DNAAF10: variants seen among roughly 807,000 people sequenced by gnomAD.
DNAAF10 encodes dynein axonemal assembly factor 10.
Under a neutral mutation model 43.7 loss-of-function variants are expected in DNAAF10, and 28 were observed. That is an observed-to-expected ratio of 0.64 (90% CI 0.48 to 0.88). The LOEUF is 0.88. Among genes scored for constraint, DNAAF10 ranks in the 40% least tolerant of loss-of-function variants. The pLI is 0.00. For missense variants in DNAAF10, 403 were observed against 439.1 expected, an observed-to-expected ratio of 0.92 and a Z score of 0.73; for synonymous variants, 156 against 157.3, an observed-to-expected ratio of 0.99 and a Z score of 0.06.
At chr2:68,131,467 T>C (rs757875018) in intron 7 of DNAAF10, 22 bp from the exon 8 acceptor site, 2 of 1,608,508 alleles carry the variant, frequency 1.2e-6, no homozygotes, top group Non-Finnish European at 1.7e-6. Flanking sequence ...ATCAAAATGG[T>C]AAGAGCGCAT....
At chr2:68,149,034 C>T (rs1336079201) in intron 1 of DNAAF10, among the ~76,000 whole-genome samples, 4 of 152,202 alleles carry the variant, frequency 2.6e-5, no homozygotes, top group Non-Finnish European at 5.9e-5. Flanking sequence ...CCCCTTGTAA[C>T]TCTTCAGTTC....
intron 5 of DNAAF10, 82 bp downstream of exon 5, chr2:68,138,660 A>G (rs1673102555): frequency 1.0e-6 from 1 of 991,174 alleles, no homozygotes; most frequent in Non-Finnish European, 1.6e-6. Context: ...ATGAGTTACT[A>G]GAGGTGTTTT....
In DNAAF10 at chr2:68,147,356, G is replaced by A. The variant is rs1673342852; in HGVS notation, c.284+111C>T. The A allele has an allele frequency of 2.7e-5, 20 of 746,868 alleles. No individual in the cohort carries two copies. In the East Asian group the frequency reaches 5.7e-4, roughly 21 times the overall value. 46.3% of individuals were successfully genotyped at this position (746,868 alleles called of 1,614,324 possible). On this transcript the variant is annotated intron_variant, in intron 2 of 7. Coordinates refer to ENST00000295121, the MANE Select transcript of DNAAF10 (RefSeq NM_138458.4). The stretch of plus-strand genomic sequence containing the variant: ...ATTCTCATATTTTTATAGTTAAAAT[G>A]GAACATAGAAAGATTTTAAAATTAA...
At chr2:68,135,108 A>T (rs1458060802) in intron 6 of DNAAF10, among the ~76,000 whole-genome samples, 1 of 152,190 alleles carries the variant, frequency 6.6e-6, no homozygotes, top group Non-Finnish European at 1.5e-5. Context: ...ACATATTTAA[A>T]TACCTCTAGT....
At chr2:68,147,272 T>C (rs956490490) in intron 2 of DNAAF10, among the ~76,000 whole-genome samples, 195 bp downstream of exon 2, 1 of 151,978 alleles carries the variant, frequency 6.6e-6, no homozygotes, top group Non-Finnish European at 1.5e-5. Context: ...TAAAGAAAAA[T>C]AGGTTAGTAT....
Position 68,157,525 on chromosome 2 carries a change from G to A in DNAAF10, c.-82C>T. 2 of 1,584,506 alleles carry A rather than the reference G, an allele frequency of 1.3e-6. No individual in the cohort carries two copies. The highest frequency in any genetic ancestry group is 1.7e-6 in the Non-Finnish European group (2 of 1,153,224). Reference sequence around the variant, plus strand: ...ACCTGGAAACCAGACTCCAAACATTGGCAATTTGTCCCTCCCGCTTTCCGT... The same window carrying A: ...ACCTGGAAACCAGACTCCAAACATTAGCAATTTGTCCCTCCCGCTTTCCGT... On this transcript the variant is annotated 5_prime_UTR_variant, in exon 1 of 8. Coordinates refer to ENST00000295121, the MANE Select transcript of DNAAF10 (RefSeq NM_138458.4).
In DNAAF10 at chr2:68,134,776, C is replaced by A. The variant is rs1672999747; in HGVS notation, c.792G>T (p.Gln264His). 6.2e-7 allele frequency: 1 copy of A among 1,613,084 alleles called. No homozygotes were observed. The highest frequency in any genetic ancestry group is 8.5e-7 in the Non-Finnish European group (1 of 1,179,792). Residue 264 changes from glutamine (Q) to histidine (H), a missense_variant, in exon 7 of 8, where the codon CAG becomes CAT. Transcript: ENST00000295121. ...SEKAHKSTVW[Q>H]VRHLPQNREL... The stretch of plus-strand genomic sequence containing the variant: ...CCCTGTTCTGCGGCAGGTGTCGGAC[C>A]TGCCACACAGTAGATTTATGAGCCT...
At chr2:68,154,198 G>C (rs980744373) in intron 1 of DNAAF10, among the ~76,000 whole-genome samples, 1 of 151,954 alleles carries the variant, frequency 6.6e-6, no homozygotes, top group African/African-American at 2.4e-5. Flanking sequence ...GACAACTCAT[G>C]GTAGAAAAAA....
chr2:68,147,238 A>G (rs1673339182), intron 2 of DNAAF10, among the ~76,000 whole-genome samples: 2 of 152,202 alleles, frequency 1.3e-5, no homozygotes, highest in Admixed American at 1.3e-4. Context: ...GAAAATAAGC[A>G]TTGATAATAT....
chr2:68,147,390 C>A (rs1673343699), intron 2 of DNAAF10, 77 bp downstream of exon 2: 1 of 1,102,230 alleles, frequency 9.1e-7, no homozygotes, highest in Admixed American at 2.1e-5. Context: ...AAAATTCTCT[C>A]TTTCAGAGAA....
intron 4 of DNAAF10, among the ~76,000 whole-genome samples, chr2:68,140,769 C>T (rs779468157): frequency 2.6e-4 from 40 of 152,174 alleles, no homozygotes; most frequent in Non-Finnish European, 4.4e-4. Flanking sequence ...TCTCTTCTAC[C>T]GTTGGCCCTC....
intron 1 of DNAAF10, among the ~76,000 whole-genome samples, chr2:68,156,706 G>C (rs1673626502): frequency 6.6e-6 from 1 of 152,180 alleles, no homozygotes; most frequent in Non-Finnish European, 1.5e-5. Flanking sequence ...AGAAGCCCTG[G>C]AAACCTTGTC....
chr2:68,133,984 G>A, intron 7 of DNAAF10: 1 of 286,352 alleles, frequency 3.5e-6, no homozygotes, highest in Non-Finnish European at 5.2e-6. Context: ...TCATTTATGG[G>A]CTTGCTGTTT....
chr2:68,156,352 A>G (rs921747860), intron 1 of DNAAF10, among the ~76,000 whole-genome samples: 3 of 133,502 alleles, frequency 2.2e-5, no homozygotes, highest in African/African-American at 9.5e-5. Flanking sequence ...TGATCCCCAG[A>G]GTTAACCTAC....
chr2:68,136,976 CA>C (rs1348375741), intron 6 of DNAAF10, among the ~76,000 whole-genome samples: 2 of 152,088 alleles, frequency 1.3e-5, no homozygotes, highest in Non-Finnish European at 2.9e-5. Flanking sequence ...GGTATTAGCA[CA>C]AATATTATAT....
intron 3 of DNAAF10, among the ~76,000 whole-genome samples, chr2:68,144,382 T>C (rs1349582667): frequency 1.3e-5 from 2 of 152,220 alleles, no homozygotes; most frequent in Non-Finnish European, 1.5e-5. Context: ...ATAAGTGCTA[T>C]GAATCTATCT....
chr2:68,153,678 T>C (rs560211526), intron 1 of DNAAF10, among the ~76,000 whole-genome samples: 3 of 151,586 alleles, frequency 2.0e-5, no homozygotes, highest in East Asian at 1.9e-4. Context: ...TGGGAGTTAC[T>C]GGACCAGTAT....
intron 7 of DNAAF10, chr2:68,131,660 A>G (rs1672933698): frequency 3.8e-6 from 2 of 521,310 alleles, no homozygotes; most frequent in South Asian, 2.4e-5. Context: ...TATTAGTTCT[A>G]CTAAAAACTT....
intron 1 of DNAAF10, chr2:68,156,871 T>C (rs1320385956): frequency 1.3e-5 from 3 of 235,206 alleles, no homozygotes; most frequent in South Asian, 6.9e-5. Context: ...GCTTTGATTA[T>C]TGAACTGAGT....
Sources: gnomAD v4.1 joint callset for allele counts (sites outside exome capture counted in the v4.1 genomes callset) on GRCh38, gnomAD v4.1.1 for gene constraint, MANE v1.5 for transcripts, NCBI Gene and HGNC (gene_info 2026-07-23, HGNC 2026-07-21) for gene names.